Variants in PTPRD observed in about 807,000 individuals in gnomAD.
PTPRD encodes the protein receptor-type tyrosine-protein phosphatase delta.
In PTPRD, 34 loss-of-function variants were observed where a neutral mutation model predicts 214.5. That is an observed-to-expected ratio of 0.16 (90% CI 0.12 to 0.21). The LOEUF is 0.21. Among genes scored for constraint, PTPRD ranks in the 10% least tolerant of loss-of-function variants. The probability of loss-of-function intolerance (pLI) is 1.00; values close to 1 mark genes in which losing one functional copy is unlikely to be tolerated. For synonymous variants in PTPRD, 1,128 were observed against 845.7 expected, an observed-to-expected ratio of 1.33 and a Z score of -5.79; for missense variants, 2,545 against 2,398.7, an observed-to-expected ratio of 1.06 and a Z score of -1.27.
At chr9:8,792,026 G>C (rs963456823) in intron 11 of PTPRD, among the ~76,000 whole-genome samples, 1 of 152,122 alleles carries the variant, frequency 6.6e-6, no homozygotes, top group Non-Finnish European at 1.5e-5. Flanking sequence ...GGGAATGTGT[G>C]AAATTATCTG....
chr9:8,775,229 G>A (rs116587000), intron 11 of PTPRD, among the ~76,000 whole-genome samples: 6,412 of 152,166 alleles, frequency 0.042, 313 homozygotes, highest in African/African-American at 0.12. Context: ...AACATTTCAG[G>A]GGGGTCTTTT....
chr9:9,022,424 C>A (rs567632245), intron 10 of PTPRD, among the ~76,000 whole-genome samples: 3 of 152,024 alleles, frequency 2.0e-5, no homozygotes, highest in Non-Finnish European at 4.4e-5. Flanking sequence ...TTTTATTGTA[C>A]CTTTTCCTTG....
At chr9:9,147,490 C>T (rs2099870655) in intron 10 of PTPRD, among the ~76,000 whole-genome samples, 1 of 151,838 alleles carries the variant, frequency 6.6e-6, no homozygotes, top group Non-Finnish European at 1.5e-5. Flanking sequence ...ACACTAGGAC[C>T]TGCCAGTTAA....
At chr9:9,739,882 A>G (rs888111799) in intron 6 of PTPRD, among the ~76,000 whole-genome samples, 3 of 152,064 alleles carry the variant, frequency 2.0e-5, no homozygotes, top group African/African-American at 7.2e-5. Context: ...TCATTTTCAA[A>G]CAGCATTTTA....
chr9:8,474,357 G>C (rs1386388943), intron 30 of PTPRD, among the ~76,000 whole-genome samples: 3 of 151,922 alleles, frequency 2.0e-5, no homozygotes, highest in Non-Finnish European at 2.9e-5. Flanking sequence ...TCATCATCCT[G>C]GGTGATTTCA....
chr9:9,082,899 A>G (rs2099761367), intron 10 of PTPRD, among the ~76,000 whole-genome samples: 1 of 152,206 alleles, frequency 6.6e-6, no homozygotes, highest in South Asian at 2.1e-4. Context: ...AGGAAAACAG[A>G]GAGGATACAA....
intron 3 of PTPRD, among the ~76,000 whole-genome samples, chr9:10,039,461 A>G (rs1350365110): frequency 1.3e-5 from 2 of 152,110 alleles, no homozygotes; most frequent in Non-Finnish European, 2.9e-5. Context: ...ATGTTTACAT[A>G]TATACAATAG....
chr9:9,176,543 A>T (rs1460731856), intron 10 of PTPRD, among the ~76,000 whole-genome samples: 2 of 152,186 alleles, frequency 1.3e-5, no homozygotes, highest in African/African-American at 2.4e-5. Context: ...TCTCCATTAA[A>T]ACTCATGTTG....
chr9:8,551,874 G>A (rs750024639), intron 14 of PTPRD, among the ~76,000 whole-genome samples: 16 of 152,176 alleles, frequency 1.1e-4, no homozygotes, highest in Non-Finnish European at 1.9e-4. Flanking sequence ...AACCAGAAAT[G>A]TGATCCAGTC....
intron 35 of PTPRD, among the ~76,000 whole-genome samples, chr9:8,428,452 C>G (rs984665044): frequency 2.0e-5 from 3 of 152,070 alleles, no homozygotes; most frequent in African/African-American, 7.2e-5. Flanking sequence ...ATAATTTGTT[C>G]TCAACTTTTT....
chr9:8,965,893 G>A (rs2099191039), intron 11 of PTPRD, among the ~76,000 whole-genome samples: 1 of 151,946 alleles, frequency 6.6e-6, no homozygotes, highest in African/African-American at 2.4e-5. Flanking sequence ...AAAACCCTAA[G>A]GACTCTGACA....
intron 11 of PTPRD, among the ~76,000 whole-genome samples, chr9:8,999,114 A>G (rs2154353566): frequency 1.3e-5 from 2 of 152,206 alleles, no homozygotes; most frequent in South Asian, 4.1e-4. Flanking sequence ...AAGGATTTAT[A>G]ATATTACACA....
intron 34 of PTPRD, among the ~76,000 whole-genome samples, chr9:8,444,472 T>C (rs2095652395): frequency 6.6e-6 from 1 of 152,108 alleles, no homozygotes; most frequent in Non-Finnish European, 1.5e-5. Context: ...ATATGGCAGA[T>C]ATTTCTGGAG....
chr9:9,366,403 G>A (rs966002909), intron 9 of PTPRD, among the ~76,000 whole-genome samples: 1 of 151,430 alleles, frequency 6.6e-6, no homozygotes, highest in African/African-American at 2.4e-5. Flanking sequence ...CCTGTGGACA[G>A]CAAATGATTT....
intron 2 of PTPRD, among the ~76,000 whole-genome samples, chr9:10,484,887 T>A (rs1361775439): frequency 6.6e-6 from 1 of 152,048 alleles, no homozygotes; most frequent in Non-Finnish European, 1.5e-5. Context: ...TGTCCACTTT[T>A]CCTTTAGATA....
At chr9:9,370,890 T>C (rs1480479867) in intron 9 of PTPRD, among the ~76,000 whole-genome samples, 2 of 152,104 alleles carry the variant, frequency 1.3e-5, no homozygotes, top group African/African-American at 4.8e-5. Flanking sequence ...TTGTCTTTGG[T>C]TCTGTTTATA....
chr9:8,874,604 A>G (rs76940994), intron 11 of PTPRD, among the ~76,000 whole-genome samples: 3,127 of 152,222 alleles, frequency 0.021, 109 homozygotes, highest in South Asian at 0.092. Flanking sequence ...TTGTTCTCCT[A>G]ATGACTCTTA....
At chr9:9,837,561 T>C (rs974269310) in intron 5 of PTPRD, among the ~76,000 whole-genome samples, 1 of 152,088 alleles carries the variant, frequency 6.6e-6, no homozygotes, top group Admixed American at 6.6e-5. Flanking sequence ...CAACCAGTCT[T>C]TGATTTGCTT....
At chr9:9,024,914 A>G (rs1213068716) in intron 10 of PTPRD, among the ~76,000 whole-genome samples, 1 of 152,028 alleles carries the variant, frequency 6.6e-6, no homozygotes, top group Non-Finnish European at 1.5e-5. Flanking sequence ...AAAGTTTAAC[A>G]GCTTTTTTAC....
Sources: allele counts gnomAD v4.1 joint callset (sites outside exome capture counted in the v4.1 genomes callset), GRCh38; gene constraint gnomAD v4.1.1; transcripts MANE v1.5; gene names NCBI Gene and HGNC (gene_info 2026-07-23, HGNC 2026-07-21).